KCNQ1: variants seen among roughly 807,000 people sequenced by gnomAD.
The protein encoded by KCNQ1 is potassium voltage-gated channel subfamily KQT member 1.
A neutral mutation model predicts 72.4 loss-of-function variants in KCNQ1; 49 were observed. The ratio of observed to expected loss-of-function variants is 0.68; its 90% CI spans 0.54 to 0.86. KCNQ1 has a LOEUF of 0.86. Among genes scored for constraint, KCNQ1 ranks in the 40% least tolerant of loss-of-function variants. KCNQ1 has a pLI of 0.00. For synonymous variants in KCNQ1, 450 were observed against 412.6 expected, an observed-to-expected ratio of 1.09 and a Z score of -1.10; for missense variants, 790 against 945.1, an observed-to-expected ratio of 0.84 and a Z score of 2.15.
chr11:2,666,635 G>A, intron 11 of KCNQ1: 1 of 398,650 alleles, frequency 2.5e-6, no homozygotes, highest in Non-Finnish European at 4.4e-6. Flanking sequence ...CCCCAAATTT[G>A]GCTTCATGGA....
At chr11:2,590,815 G>T (rs925036954) in intron 10 of KCNQ1, among the ~76,000 whole-genome samples, 2 of 152,142 alleles carry the variant, frequency 1.3e-5, no homozygotes, top group African/African-American at 4.8e-5. Flanking sequence ...TTGGAGGCTG[G>T]ACCCCACTGT....
At position 2,518,191 on chromosome 11, in the gene KCNQ1, G is replaced by C. The variant is rs895276220; in HGVS notation, c.387-9737G>C. 3.9e-5 allele frequency among the ~76,000 whole-genome samples: 6 copies of C among 152,378 alleles called. No homozygotes were observed. In the East Asian group the frequency reaches 9.7e-4, roughly 25 times the overall value. The stretch of plus-strand genomic sequence containing the variant: ...CCCTGCCTGGGGAGCCCCTGCTCTG[G>C]TCGGGGAGGCAGTGGTGGCAGTGGC... On this transcript the variant is annotated intron_variant, in intron 1 of 15. Coordinates refer to ENST00000155840, the MANE Select transcript of KCNQ1 (RefSeq NM_000218.3).
Position 2,482,914 on chromosome 11 carries a change from GGA to G in KCNQ1, c.386+37436_386+37437del, listed in dbSNP as rs1008018737. On this transcript the variant is annotated intron_variant, in intron 1 of 15. Transcript: ENST00000155840. The surrounding 1 kb of genome is among the most constrained non-coding windows in gnomAD (Gnocchi z 5.7). The stretch of plus-strand genomic sequence containing the variant: ...TCCAGGAAGTGACCTGCAAGAGAAT[GGA>G]GAGAGTCATGGACCGGCATGGCGTG... Among the ~76,000 whole-genome samples, 1 of 152,210 alleles carries G rather than the reference GGA, an allele frequency of 6.6e-6. No homozygotes were observed. Among genetic ancestry groups the G allele is most frequent in the Admixed American group, 6.5e-5 (1 of 15,276 alleles).
rs933418330 is a variant in KCNQ1 at position 2,494,829 on chromosome 11, G to A, written c.387-33099G>A. On this transcript the variant is annotated intron_variant, in intron 1 of 15. Transcript: ENST00000155840. This position sits in a 1 kb window ranked among gnomAD's most constrained non-coding sequence, Gnocchi z 4.6. ...TTTTTGTGTGTCGCTGCCAAATTTT[G>A]GTATCAGGATGATGCTGGCCTCATA... is the stretch of plus-strand genomic sequence containing the variant. 2.0e-5 allele frequency among the ~76,000 whole-genome samples: 3 copies of A among 152,092 alleles called. No individual in the cohort carries two copies. Among genetic ancestry groups the A allele is most frequent in the African/African-American group, 7.2e-5 (3 of 41,398 alleles).
intron 1 of KCNQ1, among the ~76,000 whole-genome samples, chr11:2,452,707 C>T (rs1395608567): frequency 6.6e-6 from 1 of 152,242 alleles, no homozygotes; most frequent in East Asian, 1.9e-4. Flanking sequence ...TATTATAAAA[C>T]ATACAGCTTT....
At chr11:2,743,062 G>T (rs561856459) in intron 11 of KCNQ1, among the ~76,000 whole-genome samples, 2 of 152,350 alleles carry the variant, frequency 1.3e-5, no homozygotes, top group South Asian at 4.1e-4. Flanking sequence ...AGAGCTCCTT[G>T]TGAGGACAGC....
At chr11:2,504,554 G>A (rs541425948) in intron 1 of KCNQ1, among the ~76,000 whole-genome samples, 9 of 152,092 alleles carry the variant, frequency 5.9e-5, no homozygotes, top group East Asian at 1.9e-4. Context: ...CCAGGAGTTC[G>A]AGGCCTGCCT....
At chr11:2,632,407 A>AT (rs886152794) in intron 10 of KCNQ1, 5 of 398,342 alleles carry the variant, frequency 1.3e-5, no homozygotes, top group Non-Finnish European at 1.8e-5. Context: ...TATGTTTAAT[A>AT]TAATGGCTAA....
intron 10 of KCNQ1, chr11:2,640,010 C>G (rs187540971): frequency 2.5e-5 from 4 of 158,150 alleles, no homozygotes; most frequent in African/African-American, 9.6e-5. Flanking sequence ...CCGAGCCAGG[C>G]GCGGGATATA....
chr11:2,500,135 AAC>A (rs1846986148), intron 1 of KCNQ1, among the ~76,000 whole-genome samples: 1 of 152,252 alleles, frequency 6.6e-6, no homozygotes, highest in Non-Finnish European at 1.5e-5. Flanking sequence ...TTACAATGGA[AAC>A]ACAACTTACC....
At chr11:2,726,516 C>CCCCCA (rs1406594057) in intron 11 of KCNQ1, among the ~76,000 whole-genome samples, 1 of 152,092 alleles carries the variant, frequency 6.6e-6, no homozygotes, top group East Asian at 1.9e-4. Flanking sequence ...TTCCAGCCGT[C>CCCCCA]CCCCACCCCA....
chr11:2,610,969 AAG>A (rs1290399160), intron 10 of KCNQ1: 3 of 398,144 alleles, frequency 7.5e-6, no homozygotes, highest in Non-Finnish European at 1.3e-5. Context: ...GAAAATCAAC[AAG>A]AGTTAGTACT....
In KCNQ1 at chr11:2,695,653, T is replaced by C. The variant is rs2133897393; in HGVS notation, c.1514+33572T>C. The C allele has an allele frequency of 2.5e-6, 1 of 398,580 alleles. No individual in the cohort carries two copies. Among genetic ancestry groups the C allele is most frequent in the East Asian group, 3.6e-5 (1 of 28,070 alleles). 24.7% of individuals were successfully genotyped at this position (398,580 alleles called of 1,614,324 possible). A position where few individuals can be genotyped will look rare whatever the true frequency, so the allele number is the denominator to read the frequency against. On this transcript the variant is annotated intron_variant, in intron 11 of 15. Coordinates refer to ENST00000155840, the MANE Select transcript of KCNQ1 (RefSeq NM_000218.3). This position sits in a 1 kb window ranked among gnomAD's most constrained non-coding sequence, Gnocchi z 5.2. ...AAACTGCTGGGCCACAGGTATAAAA[T>C]ATTTTATTTGAGGAAGAAGTGTTGG...
chr11:2,741,423 G>GC (rs1329854325), intron 11 of KCNQ1, among the ~76,000 whole-genome samples: 6 of 152,162 alleles, frequency 3.9e-5, no homozygotes, highest in African/African-American at 7.2e-5. Context: ...GGCCCTGTGT[G>GC]CCCCCTCGGG....
At chr11:2,525,877 G>A (rs546182633) in intron 1 of KCNQ1, among the ~76,000 whole-genome samples, 7 of 152,328 alleles carry the variant, frequency 4.6e-5, no homozygotes, top group African/African-American at 1.7e-4. Context: ...CTGCGTCCCG[G>A]GCATGGACTG....
chr11:2,840,932 G>A (rs1324284791), intron 15 of KCNQ1, among the ~76,000 whole-genome samples: 2 of 152,128 alleles, frequency 1.3e-5, no homozygotes, highest in Non-Finnish European at 2.9e-5. Flanking sequence ...TTTGTGCAGC[G>A]CCAACTCTAC....
rs568660285 is a variant in KCNQ1, at chr11:2,564,626, A to G, written c.478-6002A>G. On this transcript the variant is annotated intron_variant, in intron 2 of 15. Coordinates refer to ENST00000155840, the MANE Select transcript of KCNQ1 (RefSeq NM_000218.3). This position sits in a 1 kb window ranked among gnomAD's most constrained non-coding sequence, Gnocchi z 4.5. ...AAATAAAATGGAAATATGTTTTACC[A>G]TCTTAACCCTTTTTAAGATCACAGT... 3.9e-5 allele frequency among the ~76,000 whole-genome samples: 6 copies of G among 152,198 alleles called. No individual in the cohort carries two copies. The South Asian group carries it at 1.0e-3, about 26-fold the overall frequency.
chr11:2,681,345 TG>T (rs1850393287), intron 11 of KCNQ1: 1 of 398,470 alleles, frequency 2.5e-6, no homozygotes, highest in East Asian at 3.6e-5. Context: ...GTCTTTTCCT[TG>T]TAGCTCCCTG....
chr11:2,777,931 C>G (rs749719687), intron 14 of KCNQ1, 45 bp from the exon 15 acceptor site: 2 of 1,592,132 alleles, frequency 1.3e-6, no homozygotes, highest in Non-Finnish European at 1.7e-6. Flanking sequence ...GGTCCCCGGC[C>G]CACCCCAGCA....
Sources: allele counts gnomAD v4.1 joint callset (sites outside exome capture counted in the v4.1 genomes callset), GRCh38; gene constraint gnomAD v4.1.1; non-coding constraint Gnocchi (gnomAD v3.1); transcripts MANE v1.5; gene names NCBI Gene and HGNC (gene_info 2026-07-23, HGNC 2026-07-21).